GPM6A: variants seen among roughly 807,000 people sequenced by gnomAD.
GPM6A encodes neuronal membrane glycoprotein M6-a.
Under a neutral mutation model 32.1 loss-of-function variants are expected in GPM6A, and 7 were observed. The ratio of observed to expected loss-of-function variants is 0.22; its 90% CI spans 0.12 to 0.41. The LOEUF (loss-of-function observed/expected upper bound fraction) is 0.41, where lower values mean the gene tolerates loss of function less well. GPM6A is among the 10% of genes least tolerant of loss of function. The probability of loss-of-function intolerance (pLI) is 1.00; values close to 1 mark genes in which losing one functional copy is unlikely to be tolerated. For synonymous variants in GPM6A, 130 were observed against 123.4 expected (o/e 1.05, Z -0.35); for missense variants, 235 against 347.2 (o/e 0.68, Z 2.57).
At chr4:175,673,411 A>G (rs1487464089) in intron 3 of GPM6A, among the ~76,000 whole-genome samples, 1 of 139,898 alleles carries the variant, frequency 7.1e-6, no homozygotes, top group East Asian at 2.0e-4. Context: ...AGCCCTTTGG[A>G]AAAAAAAAAC....
At chr4:175,665,187 G>C (rs967656089) in intron 3 of GPM6A, among the ~76,000 whole-genome samples, 3 of 152,148 alleles carry the variant, frequency 2.0e-5, no homozygotes, top group African/African-American at 4.8e-5. Context: ...GTGTCTACTA[G>C]TCAACACTTC....
Position 175,729,403 on chromosome 4 carries a change from C to G in GPM6A, c.38-27636G>C, listed in dbSNP as rs574711071. Among the ~76,000 whole-genome samples, 26 of 152,240 alleles carry G rather than the reference C, an allele frequency of 1.7e-4. No homozygotes were observed. In the East Asian group the frequency reaches 4.4e-3, roughly 26 times the overall value. On this transcript the variant is annotated intron_variant, in intron 1 of 6. Coordinates refer to ENST00000393658, the MANE Select transcript of GPM6A (RefSeq NM_201591.3). ...ATGCACCTTGACCCATTCAGAGTCT[C>G]CTCTATGTTCCAAGTGAAAATCCCT... is the stretch of plus-strand genomic sequence containing the variant.
At chr4:175,834,465 G>T (rs1735704981) in intron 1 of GPM6A, among the ~76,000 whole-genome samples, 1 of 152,124 alleles carries the variant, frequency 6.6e-6, no homozygotes, top group African/African-American at 2.4e-5. Context: ...TTCACAGTTT[G>T]CATCTCTGAC....
chr4:175,929,960 T>C (rs1248662746), intron 1 of GPM6A, among the ~76,000 whole-genome samples: 1 of 152,124 alleles, frequency 6.6e-6, no homozygotes, highest in Non-Finnish European at 1.5e-5. Flanking sequence ...TATTTTAATA[T>C]GAAGAGTTAG....
At chr4:175,830,641 A>T (rs1394223476) in intron 1 of GPM6A, among the ~76,000 whole-genome samples, 1 of 152,182 alleles carries the variant, frequency 6.6e-6, no homozygotes, top group Admixed American at 6.5e-5. Flanking sequence ...GATTCAAAGC[A>T]AGTAGGTTTC....
chr4:175,765,225 C>A (rs1410254222), intron 1 of GPM6A, among the ~76,000 whole-genome samples: 1 of 152,004 alleles, frequency 6.6e-6, no homozygotes, highest in Non-Finnish European at 1.5e-5. Flanking sequence ...AATGTAAAGT[C>A]CATCTTCAAA....
chr4:175,669,828 G>A (rs1252163715), intron 3 of GPM6A, among the ~76,000 whole-genome samples: 2 of 152,012 alleles, frequency 1.3e-5, no homozygotes, highest in African/African-American at 4.8e-5. Context: ...TATGACTGCT[G>A]TCCTTATAAA....
chr4:175,800,775 C>T (rs1398670163), intron 1 of GPM6A: 1 of 196,412 alleles, frequency 5.1e-6, no homozygotes. Context: ...TTAAGGACCA[C>T]AAAACAGCCT....
At position 175,665,500 on chromosome 4, in the gene GPM6A, G is replaced by A. The variant is rs113181238; in HGVS notation, c.387+8180C>T. Among the ~76,000 whole-genome samples, 465 of 152,076 alleles carry A rather than the reference G, an allele frequency of 3.1e-3. 2 individuals are homozygous for A. Among genetic ancestry groups the A allele is most frequent in the Admixed American group, 0.01 (155 of 15,288 alleles). ...TATATAAAAAATAAAAGCATTGGAC[G>A]GCCGTGGTGGTGGCTCAAGCCTGTA... is the stretch of plus-strand genomic sequence containing the variant. On this transcript the variant is annotated intron_variant, in intron 3 of 6. Transcript: ENST00000393658.
rs561889096 is a variant in GPM6A at position 175,833,882 on chromosome 4, GAGTC to G, written c.-22-21637_-22-21634del. Among the ~76,000 whole-genome samples the G allele has an allele frequency of 5.9e-5, 9 of 152,216 alleles. No individual in the cohort carries two copies. In the South Asian group the frequency reaches 1.2e-3, roughly 21 times the overall value. Reference sequence around the variant, plus strand: ...AAATCAGTCTGATAAGCCCTTACATGAGTCAGTAAGATTGAGACCACGATTTCTT... The same window carrying G: ...AAATCAGTCTGATAAGCCCTTACATGAGTAAGATTGAGACCACGATTTCTT... On this transcript the variant is annotated intron_variant, in intron 1 of 7. Transcript: ENST00000280187.
At chr4:175,747,587 C>T (rs565132117) in intron 1 of GPM6A, among the ~76,000 whole-genome samples, 1 of 152,230 alleles carries the variant, frequency 6.6e-6, no homozygotes, top group South Asian at 2.1e-4. Context: ...TATGCAATAG[C>T]ATTATGTCTA....
At chr4:175,913,844 C>T (rs976534669) in intron 1 of GPM6A, among the ~76,000 whole-genome samples, 5 of 152,176 alleles carry the variant, frequency 3.3e-5, no homozygotes, top group Non-Finnish European at 7.3e-5. Context: ...GCTCTTCTTC[C>T]TTTCTCCATC....
chr4:175,657,598 T>C (rs1338034924), intron 3 of GPM6A, among the ~76,000 whole-genome samples: 1 of 152,116 alleles, frequency 6.6e-6, no homozygotes, highest in Admixed American at 6.6e-5. Flanking sequence ...CACCTACTAA[T>C]GTCAATAAAA....
intron 1 of GPM6A, among the ~76,000 whole-genome samples, chr4:175,707,158 T>C (rs1343082632): frequency 6.6e-6 from 1 of 152,240 alleles, no homozygotes; most frequent in Non-Finnish European, 1.5e-5. Flanking sequence ...TGCTGCTCTG[T>C]CTATGGAATA....
chr4:175,844,465 ATCC>A (rs1736030303), intron 1 of GPM6A, among the ~76,000 whole-genome samples: 1 of 152,192 alleles, frequency 6.6e-6, no homozygotes, highest in Non-Finnish European at 1.5e-5. Context: ...GATATGAAAT[ATCC>A]TCCTAGGTCT....
chr4:175,800,371 A>G (rs1194547352), intron 1 of GPM6A, among the ~76,000 whole-genome samples: 1 of 152,188 alleles, frequency 6.6e-6, no homozygotes, highest in Non-Finnish European at 1.5e-5. Flanking sequence ...TTTAGATAAT[A>G]TCAATATCAT....
intron 1 of GPM6A, among the ~76,000 whole-genome samples, chr4:175,799,001 T>C (rs761693391): frequency 1.3e-5 from 2 of 152,214 alleles, no homozygotes; most frequent in African/African-American, 2.4e-5. Context: ...TTATGAGCAA[T>C]GAGTTCAAAG....
In GPM6A at chr4:175,859,248, A is replaced by G. The variant is rs529425920; in HGVS notation, c.-22-46999T>C. 1.8e-4 allele frequency among the ~76,000 whole-genome samples: 28 copies of G among 152,344 alleles called. 1 individual carries two copies. Among genetic ancestry groups the G allele is most frequent in the South Asian group, 1.4e-3 (7 of 4,828 alleles). On this transcript the variant is annotated intron_variant, in intron 1 of 7. Transcript: ENST00000280187. Reference sequence around the variant, plus strand: ...GTTGTTGTATGTCAATCATCTTTCAATAAAGCTGTTAAAAATATGACTAGT... The same window carrying G: ...GTTGTTGTATGTCAATCATCTTTCAGTAAAGCTGTTAAAAATATGACTAGT...
At chr4:175,955,872 C>T (rs1488528185) in intron 1 of GPM6A, among the ~76,000 whole-genome samples, 1 of 152,178 alleles carries the variant, frequency 6.6e-6, no homozygotes, top group East Asian at 1.9e-4. Flanking sequence ...GGAGCTGGCT[C>T]TCATGGTCTA....
Sources: allele counts gnomAD v4.1 joint callset (sites outside exome capture counted in the v4.1 genomes callset), GRCh38; gene constraint gnomAD v4.1.1; transcripts MANE v1.5; gene names NCBI Gene and HGNC (gene_info 2026-07-23, HGNC 2026-07-21).